Variants in FANCB observed in about 807,000 individuals in gnomAD.
The protein encoded by FANCB is FA complementation group B, also known as Fanconi anemia group B protein.
FANCB carries 5 observed loss-of-function variants against 38.9 expected under a neutral mutation model. The ratio of observed to expected loss-of-function variants is 0.13; its 90% CI spans 0.07 to 0.27. The LOEUF (loss-of-function observed/expected upper bound fraction) is 0.27, where lower values mean the gene tolerates loss of function less well. FANCB is among the 10% of genes least tolerant of loss of function. The pLI is 1.00. For synonymous variants in FANCB, 236 were observed against 215.4 expected (o/e 1.10, Z -0.84); for missense variants, 573 against 602.7 (o/e 0.95, Z 0.52).
the FANCB span, among the ~76,000 whole-genome samples, chrX:14,767,469 G>C: frequency 9.0e-6 from 1 of 111,117 alleles, no homozygotes; most frequent in Non-Finnish European, 1.9e-5. Context: ...TAATATGTTT[G>C]TTGGCCCCAT....
the FANCB span, among the ~76,000 whole-genome samples, chrX:14,789,256 G>C: frequency 2.2e-4 from 24 of 111,239 alleles, no homozygotes; most frequent in Non-Finnish European, 3.4e-4. Flanking sequence ...ACAAGGAAGA[G>C]ATTTTATTTG....
chrX:14,703,584 G>C, the FANCB span, among the ~76,000 whole-genome samples: 3 of 111,798 alleles, frequency 2.7e-5, no homozygotes, highest in Middle Eastern at 4.7e-3. Flanking sequence ...TTAGGACACA[G>C]ACATCTTTGG....
chrX:14,709,151 C>T, the FANCB span, among the ~76,000 whole-genome samples: 1 of 111,027 alleles, frequency 9.0e-6, no homozygotes, highest in Non-Finnish European at 1.9e-5. Context: ...GGGAGGATCA[C>T]GTAGGCCAGC....
downstream of FANCB, among the ~76,000 whole-genome samples, chrX:14,832,333 C>T (rs2092329337): frequency 9.0e-6 from 1 of 111,415 alleles, no homozygotes; most frequent in Admixed American, 9.5e-5. Context: ...TCTGTATTAA[C>T]GTGGCCATCT....
the FANCB span, among the ~76,000 whole-genome samples, chrX:14,801,192 C>T: frequency 8.9e-6 from 1 of 112,097 alleles, no homozygotes; most frequent in Non-Finnish European, 1.9e-5. Context: ...TCAATGGTTC[C>T]AGTCTCTGAG....
chrX:14,805,108 T>G, the FANCB span, among the ~76,000 whole-genome samples: 1 of 111,541 alleles, frequency 9.0e-6, no homozygotes, highest in African/African-American at 3.3e-5. Context: ...ATGCCTCAAT[T>G]GTATTTATCA....
At chrX:14,744,635 C>T in the FANCB span, among the ~76,000 whole-genome samples, 2 of 97,034 alleles carry the variant, frequency 2.1e-5, no homozygotes, top group Non-Finnish European at 4.2e-5. Context: ...AATTAAAAAG[C>T]CATGGAGAAG....
At chrX:14,817,053 T>A in the FANCB span, among the ~76,000 whole-genome samples, 1 of 112,072 alleles carries the variant, frequency 8.9e-6, no homozygotes, top group Non-Finnish European at 1.9e-5. Context: ...TTCTGAACTT[T>A]CCGTTCTCTT....
At chrX:14,861,545 G>A (rs1014544836) in intron 3 of FANCB, among the ~76,000 whole-genome samples, 2 of 111,182 alleles carry the variant, frequency 1.8e-5, no homozygotes, top group African/African-American at 3.3e-5. Flanking sequence ...TATTTTGGGG[G>A]AAAACTGCTA....
chrX:14,827,175 C>T, the FANCB span, among the ~76,000 whole-genome samples: 2 of 111,512 alleles, frequency 1.8e-5, no homozygotes, highest in African/African-American at 6.5e-5. Context: ...CTCTATTCCC[C>T]ACATGCTTTT....
chrX:14,768,211 T>C, the FANCB span, among the ~76,000 whole-genome samples: 33 of 112,032 alleles, frequency 2.9e-4, no homozygotes, highest in East Asian at 8.9e-3. Flanking sequence ...TCAGTGGTAG[T>C]TTAATGGGAA....
At chrX:14,693,538 A>G in the FANCB span, among the ~76,000 whole-genome samples, 1 of 112,101 alleles carries the variant, frequency 8.9e-6, no homozygotes, top group Non-Finnish European at 1.9e-5. Flanking sequence ...ATTGTAATAT[A>G]CCTCTCAGCA....
chrX:14,831,992 C>A (rs2092328661), downstream of FANCB, among the ~76,000 whole-genome samples: 4 of 111,894 alleles, frequency 3.6e-5, no homozygotes, highest in Admixed American at 3.8e-4. Context: ...CTGGAAACAT[C>A]ATGGTGTTTC....
the FANCB span, among the ~76,000 whole-genome samples, chrX:14,772,926 C>T: frequency 1.8e-5 from 2 of 111,487 alleles, no homozygotes; most frequent in South Asian, 7.6e-4. Flanking sequence ...GTGGGAGTTC[C>T]TTTGGCTCCA....
chrX:14,706,335 C>T, the FANCB span, among the ~76,000 whole-genome samples: 5 of 111,916 alleles, frequency 4.5e-5, no homozygotes, highest in African/African-American at 1.6e-4. Context: ...TAGAATATAT[C>T]GCAGAGAGTC....
chrX:14,730,215 C>T, the FANCB span: 4,017 of 1,197,288 alleles, frequency 3.4e-3, 74 homozygotes, highest in African/African-American at 0.059. Context: ...AGGAAGAAGA[C>T]GTTACTCGTG....
chrX:14,742,407 G>A, the FANCB span, among the ~76,000 whole-genome samples: 1 of 111,744 alleles, frequency 8.9e-6, no homozygotes, highest in South Asian at 3.8e-4. Flanking sequence ...AGTCACATTG[G>A]CATTTAAATT....
chrX:14,810,923 T>C, the FANCB span, among the ~76,000 whole-genome samples: 2 of 111,818 alleles, frequency 1.8e-5, no homozygotes, highest in East Asian at 2.8e-4. Flanking sequence ...AGACAAAGGT[T>C]GGGTCACCCA....
chrX:14,728,518 C>G, the FANCB span, among the ~76,000 whole-genome samples: 466 of 112,129 alleles, frequency 4.2e-3, 6 homozygotes, highest in African/African-American at 0.014. Context: ...TCCTAGAGAT[C>G]AAATTTACAT....
Sources: gnomAD v4.1 joint callset for allele counts (sites outside exome capture counted in the v4.1 genomes callset) on GRCh38, gnomAD v4.1.1 for gene constraint, MANE v1.5 for transcripts, NCBI Gene and HGNC (gene_info 2026-07-23, HGNC 2026-07-21) for gene names.